TNRC18: variants seen among roughly 807,000 people sequenced by gnomAD.
TNRC18 encodes trinucleotide repeat containing 18.
In TNRC18, 69 loss-of-function variants were observed where a neutral mutation model predicts 226.7. That is an observed-to-expected ratio of 0.30 (90% CI 0.25 to 0.37). The LOEUF (loss-of-function observed/expected upper bound fraction) is 0.37, where lower values mean the gene tolerates loss of function less well. TNRC18 is among the 10% of genes least tolerant of loss of function. The pLI is 1.00. For synonymous variants in TNRC18, 2,449 were observed against 1,927.6 expected, an observed-to-expected ratio of 1.27 and a Z score of -7.09; for missense variants, 4,754 against 4,256.6, an observed-to-expected ratio of 1.12 and a Z score of -3.25.
intron 17 of TNRC18, among the ~76,000 whole-genome samples, chr7:5,349,832 C>T (rs766180558): frequency 2.6e-5 from 4 of 152,152 alleles, no homozygotes; most frequent in Non-Finnish European, 5.9e-5. Context: ...ACCAGGTCAG[C>T]GAGGCCCTAT....
rs527952464 is a variant in TNRC18 at position 5,341,986 on chromosome 7, C to T, written c.5719+3576G>A. ...GTTGGTTCCATGCCTGCTAGCACGGCGCCCATTCTGCAGCCCATAGATGAA... is the reference window on the plus strand; with the variant it reads ...GTTGGTTCCATGCCTGCTAGCACGGTGCCCATTCTGCAGCCCATAGATGAA... On this transcript the variant is annotated intron_variant, in intron 18 of 29. Transcript: ENST00000430969. Among the ~76,000 whole-genome samples, 10 of 152,282 alleles carry T rather than the reference C, an allele frequency of 6.6e-5. No homozygotes were observed. In the East Asian group the frequency reaches 1.2e-3, roughly 18 times the overall value.
rs1470013734 is a variant in TNRC18, at chr7:5,388,776, C to T, written c.1048G>A (p.Ala350Thr). ...GTGTAGACGCCGGCGGGGGTGGCCG[C>T]GGGGGGTGCAGGAGGCCCCTTGGGG... ...APPKGPPAPP[A>T]ATPAGVYTVF... Residue 350 changes from alanine (A) to threonine (T), a missense_variant, in exon 5 of 30, where the codon GCG becomes ACG. Coordinates refer to ENST00000430969, the MANE Select transcript of TNRC18 (RefSeq NM_001080495.3). The T allele has an allele frequency of 5.7e-5, 68 of 1,191,408 alleles. 1 individual carries two copies. In the East Asian group the frequency reaches 2.6e-3, roughly 46 times the overall value. The allele number at this position is 1,191,408 out of a possible 1,614,324, so 73.8% of individuals were successfully genotyped here.
chr7:5,351,665 G>C, intron 17 of TNRC18, 154 bp downstream of exon 17: 1 of 781,834 alleles, frequency 1.3e-6, no homozygotes, highest in Non-Finnish European at 2.0e-6. Flanking sequence ...AGGCTACGCT[G>C]CCAAGAACCC....
rs1554272402 is a variant in TNRC18 at position 5,323,568 on chromosome 7, G to GTTTTTTTTTTTT, written c.6442+634_6442+645dup. 4.9e-5 allele frequency among the ~76,000 whole-genome samples: 6 copies of GTTTTTTTTTTTT among 122,244 alleles called. 1 individual carries two copies. Among genetic ancestry groups the GTTTTTTTTTTTT allele is most frequent in the Admixed American group, 1.8e-4 (2 of 11,064 alleles). 80.2% of individuals were successfully genotyped at this position (122,244 alleles called of 152,430 possible). On this transcript the variant is annotated intron_variant, in intron 21 of 29. Transcript: ENST00000430969. ...CTCGTTCTCTGTGCAGCACCAGACA[G>GTTTTTTTTTTTT]TTTTTTTTTTTTTGAGACACAGTTT...
chr7:5,346,593 G>C (rs35519574), intron 17 of TNRC18, among the ~76,000 whole-genome samples: 1 of 152,132 alleles, frequency 6.6e-6, no homozygotes, highest in Admixed American at 6.5e-5. Context: ...AGGATCACTT[G>C]AGCCCAGGAG....
intron 2 of TNRC18, 27 bp downstream of exon 2, chr7:5,421,033 G>C (rs748994773): frequency 1.3e-6 from 2 of 1,535,642 alleles, no homozygotes; most frequent in South Asian, 2.4e-5. Flanking sequence ...AAGACAGGAG[G>C]GGACGGGCAC....
At position 5,388,143 on chromosome 7, in the gene TNRC18, A is replaced by G. The variant is rs1409521523; in HGVS notation, c.1681T>C (p.Ser561Pro). 1 of 1,561,830 alleles carries G rather than the reference A, an allele frequency of 6.4e-7. No homozygotes were observed. Among genetic ancestry groups the G allele is most frequent in the Non-Finnish European group, 8.7e-7 (1 of 1,154,984 alleles). Residue 561 changes from serine to proline, a missense_variant, in exon 5 of 30, where the codon TCG (serine) becomes CCG (proline). Ser to Pro is a moderately conservative substitution (Grantham distance 74). Transcript: ENST00000430969. ...ACCGGCCGGCCGCAGGTGGCCGCCGAGCGGGGCAGCACAGCCCCAGGGTCC... is the reference window on the plus strand; with the variant it reads ...ACCGGCCGGCCGCAGGTGGCCGCCGGGCGGGGCAGCACAGCCCCAGGGTCC... ...YLDPGAVLPR[S>P]AATCGRPVAD...
intron 18 of TNRC18, among the ~76,000 whole-genome samples, chr7:5,341,783 A>G (rs1256781804): frequency 1.5e-5 from 2 of 135,812 alleles, no homozygotes; most frequent in South Asian, 2.3e-4. Flanking sequence ...AAAAAAAAAA[A>G]GGGAATAACA....
Position 5,309,033 on chromosome 7 carries a change from T to C in TNRC18, c.8626-84A>G. 6.6e-7 allele frequency: 1 copy of C among 1,508,782 alleles called. No individual in the cohort carries two copies. The highest frequency in any genetic ancestry group is 9.0e-7 in the Non-Finnish European group (1 of 1,108,846). 93.5% of individuals were successfully genotyped at this position (1,508,782 alleles called of 1,614,324 possible). A position where few individuals can be genotyped will look rare whatever the true frequency, so the allele number is the denominator to read the frequency against. On this transcript the variant is annotated intron_variant, in intron 28 of 29. Coordinates refer to ENST00000430969, the MANE Select transcript of TNRC18 (RefSeq NM_001080495.3). This position sits in a 1 kb window ranked among gnomAD's most constrained non-coding sequence, Gnocchi z 5.7. ...AGGCCCCAGGACAGGGCTGACCCAC[T>C]GGGCAGGGCTGCTGATGCTCCAGCA...
chr7:5,361,162 G>A (rs773581285), intron 14 of TNRC18, among the ~76,000 whole-genome samples: 4 of 152,186 alleles, frequency 2.6e-5, no homozygotes, highest in African/African-American at 9.7e-5. Context: ...TGCCAGAAGG[G>A]GCCAGCCCTG....
intron 19 of TNRC18, among the ~76,000 whole-genome samples, chr7:5,332,372 G>A (rs1159495418): frequency 1.3e-5 from 2 of 152,202 alleles, no homozygotes; most frequent in African/African-American, 2.4e-5. Flanking sequence ...GGTAAAGGCT[G>A]CAGTGAGCCA....
chr7:5,362,823 C>A lies in TNRC18; in HGVS notation c.4222G>T (p.Ala1408Ser). ...LERRSQEMGG[A>S]ERALVARPSL... ...GGCCGCGCCACCAGGGCCCGCTCCG[C>A]ACCTGTGGACAGGAGGTAGGTAACA... The change falls in exon 12 of 30, where the codon GCG becomes TCG. Residue 1408 changes from alanine (A) to serine (S), a missense_variant and splice_region_variant. Physicochemically the swap from Ala to Ser is moderately conservative, Grantham distance 99. Coordinates refer to ENST00000430969, the MANE Select transcript of TNRC18 (RefSeq NM_001080495.3). The A allele has an allele frequency of 6.5e-7, 1 of 1,529,292 alleles. No individual in the cohort carries two copies. Among genetic ancestry groups the A allele is most frequent in the Non-Finnish European group, 8.8e-7 (1 of 1,138,822 alleles). The allele number at this position is 1,529,292 out of a possible 1,614,324, so 94.7% of individuals were successfully genotyped here.
chr7:5,408,722 T>C (rs1189319279), intron 2 of TNRC18, among the ~76,000 whole-genome samples: 1 of 147,684 alleles, frequency 6.8e-6, no homozygotes, highest in African/African-American at 2.5e-5. Context: ...CAGTGGAGAG[T>C]GGGGAAAAGA....
chr7:5,395,602 C>T (rs1327822724), intron 2 of TNRC18, among the ~76,000 whole-genome samples: 5 of 152,248 alleles, frequency 3.3e-5, no homozygotes, highest in South Asian at 2.1e-4. Flanking sequence ...CACGGGGCTT[C>T]CCTTACCAGG....
rs1185912286 is a variant in TNRC18, at chr7:5,306,860, A to AAAT, written c.*1243_*1245dup. 7.1e-6 allele frequency: 1 copy of AAAT among 140,490 alleles called. No individual in the cohort carries two copies. The highest frequency in any genetic ancestry group is 1.5e-5 in the Non-Finnish European group (1 of 66,232). The allele number at this position is 140,490 out of a possible 1,614,324, so 8.7% of individuals were successfully genotyped here. A position where few individuals can be genotyped will look rare whatever the true frequency, so the allele number is the denominator to read the frequency against. On this transcript the variant is annotated 3_prime_UTR_variant, in exon 30 of 30. Coordinates refer to ENST00000430969, the MANE Select transcript of TNRC18 (RefSeq NM_001080495.3). ...ATCACACAGAATTTGCCAACAAACA[A>AAAT]AATTCCAAAAGAAACATAAAAAAAA...
rs777638464 is a variant in TNRC18 at position 5,370,597 on chromosome 7, G to C, written c.3997C>G (p.Pro1333Ala). 4.3e-6 allele frequency: 7 copies of C among 1,613,324 alleles called. No homozygotes were observed. The Admixed American group carries it at 8.3e-5, about 19-fold the overall frequency. The change falls in exon 11 of 30, where the codon CCC becomes GCC. Residue 1333 changes from proline to alanine, a missense_variant. Pro to Ala is a conservative substitution (Grantham distance 27). Transcript: ENST00000430969. ...CCAGCCAGTGGGTCCTCCAGACTGG[G>C]CAGGAACTGGTCAGAGCTTGCCTCT... is the stretch of plus-strand genomic sequence containing the variant. ...LEEASSDQFL[P>A]SLEDPLAGMN...
At chr7:5,385,279 G>A (rs183275865) in intron 5 of TNRC18, among the ~76,000 whole-genome samples, 3,496 of 152,286 alleles carry the variant, frequency 0.023, 130 homozygotes, top group African/African-American at 0.081. Flanking sequence ...TTGAGGTCAG[G>A]AGATCGAGAC....
chr7:5,380,224 T>C (rs1036802753), intron 5 of TNRC18, among the ~76,000 whole-genome samples: 2 of 152,018 alleles, frequency 1.3e-5, no homozygotes, highest in African/African-American at 4.8e-5. Context: ...GGTGGGAGGA[T>C]CACTGGAGCC....
At chr7:5,414,585 T>C (rs1234504565) in intron 2 of TNRC18, among the ~76,000 whole-genome samples, 1 of 152,118 alleles carries the variant, frequency 6.6e-6, no homozygotes, top group African/African-American at 2.4e-5. Flanking sequence ...GCTATTTTTT[T>C]GTATTTTTAG....
Sources: allele counts gnomAD v4.1 joint callset (sites outside exome capture counted in the v4.1 genomes callset), GRCh38; gene constraint gnomAD v4.1.1; non-coding constraint Gnocchi (gnomAD v3.1); transcripts MANE v1.5; gene names NCBI Gene and HGNC (gene_info 2026-07-23, HGNC 2026-07-21).